The following UQCR11 variants were observed in gnomAD, a reference collection of about 807,000 sequenced individuals.
The protein encoded by UQCR11 is cytochrome b-c1 complex subunit 10.
In UQCR11, 10 loss-of-function variants were observed where a neutral mutation model predicts 7.6. The observed-to-expected ratio is 1.31, with a 90% CI of 0.81 to 2.22. UQCR11 has a LOEUF of 2.22. UQCR11 is among the 30% of genes most tolerant of loss of function. The pLI is 0.00. For missense variants in UQCR11, 86 were observed against 75.1 expected (o/e 1.15, Z -0.54); for synonymous variants, 34 against 34.9 (o/e 0.97, Z 0.09).
chr19:1,603,997 A>G (rs903905282), intron 1 of UQCR11, among the ~76,000 whole-genome samples: 1 of 151,864 alleles, frequency 6.6e-6, no homozygotes, highest in Non-Finnish European at 1.5e-5. Context: ...CCAGGCTGGA[A>G]TGCAATGGCA....
chr19:1,599,110 A>C (rs960900821), intron 2 of UQCR11: 6 of 308,852 alleles, frequency 1.9e-5, no homozygotes, highest in Non-Finnish European at 3.8e-5. Context: ...GGCCCCACCC[A>C]GTTCAGGCTG....
At chr19:1,604,552 C>T (rs2060756205) in intron 1 of UQCR11, among the ~76,000 whole-genome samples, 1 of 151,094 alleles carries the variant, frequency 6.6e-6, no homozygotes, top group African/African-American at 2.4e-5. Flanking sequence ...TTTTGGGACA[C>T]AGTCTCATTC....
rs375368130 is a variant in UQCR11 at position 1,603,144 on chromosome 19, G to A, written c.50+2216C>T. ...ACTGCCTGGTGGCACAGCCCTGCAC[G>A]GCCCCTCGCACGCACGTGTCTGCAC... On this transcript the variant is annotated intron_variant, in intron 1 of 2. Coordinates refer to ENST00000591899, the MANE Select transcript of UQCR11 (RefSeq NM_006830.4). 5.3e-5 allele frequency among the ~76,000 whole-genome samples: 8 copies of A among 152,266 alleles called. No homozygotes were observed. In the South Asian group the frequency reaches 6.2e-4, roughly 12 times the overall value.
intron 1 of UQCR11, among the ~76,000 whole-genome samples, chr19:1,600,663 G>A (rs1168105989): frequency 6.6e-6 from 1 of 152,128 alleles, no homozygotes; most frequent in Non-Finnish European, 1.5e-5. Flanking sequence ...CTTGAGCCTA[G>A]GAGTTTGAGA....
At chr19:1,600,202 C>A (rs2060743251) in intron 1 of UQCR11, among the ~76,000 whole-genome samples, 1 of 150,106 alleles carries the variant, frequency 6.7e-6, no homozygotes. Context: ...AACTTGGGCA[C>A]AGGCTTCTTT....
chr19:1,600,176 G>A (rs888880323), intron 1 of UQCR11, among the ~76,000 whole-genome samples: 3 of 151,230 alleles, frequency 2.0e-5, no homozygotes, highest in Admixed American at 6.6e-5. Context: ...TGGCGTTTAC[G>A]CCCTCGCACA....
chr19:1,602,609 G>A lies in UQCR11; in HGVS notation c.50+2751C>T, dbSNP rs554321582. ...TGGGATTACAGGTGTCCACTACCGC[G>A]CCCGACTAATTTTTGTATTTTTAGT... On this transcript the variant is annotated intron_variant, in intron 1 of 2. Transcript: ENST00000591899. Among the ~76,000 whole-genome samples the A allele has an allele frequency of 5.9e-5, 9 of 152,044 alleles. No individual in the cohort carries two copies. The South Asian group carries it at 1.7e-3, about 28-fold the overall frequency.
At chr19:1,602,320 T>A (rs996756348) in intron 1 of UQCR11, 2 of 152,136 alleles carry the variant, frequency 1.3e-5, no homozygotes, top group Non-Finnish European at 2.9e-5. Flanking sequence ...GTAGGCCAGG[T>A]GCCCGCTCAC....
At chr19:1,603,947 G>A (rs1163511411) in intron 1 of UQCR11, among the ~76,000 whole-genome samples, 1 of 152,196 alleles carries the variant, frequency 6.6e-6, no homozygotes, top group Non-Finnish European at 1.5e-5. Flanking sequence ...ATAAGCCTTT[G>A]CTTTTTTCTT....
At chr19:1,601,183 G>C (rs957461848) in intron 1 of UQCR11, among the ~76,000 whole-genome samples, 2 of 151,940 alleles carry the variant, frequency 1.3e-5, no homozygotes, top group Non-Finnish European at 2.9e-5. Context: ...AAAAGAAAAA[G>C]ACTGGCTTCC....
At chr19:1,604,643 T>A (rs781470323) in intron 1 of UQCR11, among the ~76,000 whole-genome samples, 2 of 152,150 alleles carry the variant, frequency 1.3e-5, no homozygotes, top group Non-Finnish European at 2.9e-5. Context: ...TTCTCCTTCC[T>A]CAGCCTCCCG....
chr19:1,599,640 C>T, intron 1 of UQCR11, 80 bp from the exon 2 acceptor site: 1 of 1,562,624 alleles, frequency 6.4e-7, no homozygotes, highest in Non-Finnish European at 8.6e-7. Flanking sequence ...GGCCCCCCGT[C>T]CTGAGCGGTG....
rs2060735053 is a variant in UQCR11, at chr19:1,597,577, A to T, written c.*667T>A. On this transcript the variant is annotated 3_prime_UTR_variant, in exon 3 of 3. Coordinates refer to ENST00000591899, the MANE Select transcript of UQCR11 (RefSeq NM_006830.4). ...ACCTGCTCTGGGGAAGGCAGAGGCC[A>T]TGCCGTGAGGATGCTCAAGCAGCTT... 6.6e-6 allele frequency: 1 copy of T among 152,240 alleles called. No individual in the cohort carries two copies. Among genetic ancestry groups the T allele is most frequent in the Non-Finnish European group, 1.5e-5 (1 of 68,062 alleles). The allele number at this position is 152,240 out of a possible 1,614,324, so 9.4% of individuals were successfully genotyped here. A position where few individuals can be genotyped will look rare whatever the true frequency, so the allele number is the denominator to read the frequency against.
Position 1,599,436 on chromosome 19 carries a change from G to T in UQCR11, c.*4C>A, listed in dbSNP as rs1555701773. On this transcript the variant is annotated 3_prime_UTR_variant, in exon 2 of 3. Coordinates refer to ENST00000591899, the MANE Select transcript of UQCR11 (RefSeq NM_006830.4). Reference sequence around the variant, plus strand: ...CCAGAGCAGTCTGTGAAGGGTTTGTGTAATTAATTATCCTTCTTAAACTTG... The same window carrying T: ...CCAGAGCAGTCTGTGAAGGGTTTGTTTAATTAATTATCCTTCTTAAACTTG... 1 of 1,613,660 alleles carries T rather than the reference G, an allele frequency of 6.2e-7. No individual in the cohort carries two copies. The highest frequency in any genetic ancestry group is 1.1e-5 in the South Asian group (1 of 91,092).
At chr19:1,600,206 C>CTTCTTTTTTTT (rs2060743303) in intron 1 of UQCR11, among the ~76,000 whole-genome samples, 1 of 146,898 alleles carries the variant, frequency 6.8e-6, no homozygotes, top group Admixed American at 6.9e-5. Flanking sequence ...TGGGCACAGG[C>CTTCTTTTTTTT]TTCTTTTTTT....
chr19:1,605,200 C>A (rs888757664), intron 1 of UQCR11, among the ~76,000 whole-genome samples, 160 bp downstream of exon 1: 1 of 152,310 alleles, frequency 6.6e-6, no homozygotes, highest in Non-Finnish European at 1.5e-5. Context: ...ACGCGCCGCT[C>A]CGCCTCTCGG....
rs2060735789 is a variant in UQCR11 at position 1,597,772 on chromosome 19, C to T, written c.*472G>A. 1 of 152,258 alleles carries T rather than the reference C, an allele frequency of 6.6e-6. No homozygotes were observed. The highest frequency in any genetic ancestry group is 6.5e-5 in the Admixed American group (1 of 15,272). The allele number at this position is 152,258 out of a possible 1,614,324, so 9.4% of individuals were successfully genotyped here. On this transcript the variant is annotated 3_prime_UTR_variant, in exon 3 of 3. Transcript: ENST00000591899. ...ACTCTGGGCCACAACCACCCAGATACATCACTCCCAAATCCCCGACTGACA... is the reference window on the plus strand; with the variant it reads ...ACTCTGGGCCACAACCACCCAGATATATCACTCCCAAATCCCCGACTGACA...
At chr19:1,604,767 G>A (rs770384583) in intron 1 of UQCR11, among the ~76,000 whole-genome samples, 2 of 152,138 alleles carry the variant, frequency 1.3e-5, no homozygotes, top group Admixed American at 6.6e-5. Flanking sequence ...GACCTCAGGT[G>A]ATCCACCTGC....
At chr19:1,600,546 GAGCAAT>G (rs1405865541) in intron 1 of UQCR11, among the ~76,000 whole-genome samples, 1 of 152,162 alleles carries the variant, frequency 6.6e-6, no homozygotes, top group Non-Finnish European at 1.5e-5. Context: ...AACGCAGCAT[GAGCAAT>G]GGGGCATCAC....
Sources: gnomAD v4.1 joint callset for allele counts (sites outside exome capture counted in the v4.1 genomes callset) on GRCh38, gnomAD v4.1.1 for gene constraint, MANE v1.5 for transcripts, NCBI Gene and HGNC (gene_info 2026-07-23, HGNC 2026-07-21) for gene names.